NCKAP5: variants seen among roughly 807,000 people sequenced by gnomAD.
NCKAP5 encodes NCK associated protein 5.
Under a neutral mutation model 167.0 loss-of-function variants are expected in NCKAP5, and 92 were observed. The ratio of observed to expected loss-of-function variants is 0.55; its 90% CI spans 0.47 to 0.66. The LOEUF (loss-of-function observed/expected upper bound fraction) is 0.66, where lower values mean the gene tolerates loss of function less well. NCKAP5 is among the 30% of genes least tolerant of loss of function. NCKAP5 has a pLI of 0.00. For missense variants in NCKAP5, 2,378 were observed against 2,315.0 expected, an observed-to-expected ratio of 1.03 and a Z score of -0.56; for synonymous variants, 891 against 877.4, an observed-to-expected ratio of 1.02 and a Z score of -0.27.
At chr2:133,562,408 A>G (rs1182074322) in intron 1 of NCKAP5, among the ~76,000 whole-genome samples, 1 of 152,212 alleles carries the variant, frequency 6.6e-6, no homozygotes. Context: ...ACCAGTTAGC[A>G]CTGACAATGG....
At chr2:132,734,587 T>A (rs778965349) in intron 16 of NCKAP5, among the ~76,000 whole-genome samples, 1 of 152,200 alleles carries the variant, frequency 6.6e-6, no homozygotes, top group Non-Finnish European at 1.5e-5. Flanking sequence ...GGGCGCTTTT[T>A]CTTTTGAGAA....
chr2:132,958,998 C>T (rs754431538), intron 8 of NCKAP5, among the ~76,000 whole-genome samples: 1 of 148,872 alleles, frequency 6.7e-6, no homozygotes, highest in Non-Finnish European at 1.5e-5. Flanking sequence ...GCAAAGAACA[C>T]GTTTGGCCCA....
intron 4 of NCKAP5, among the ~76,000 whole-genome samples, chr2:133,229,093 A>G (rs2087023196): frequency 6.6e-6 from 1 of 152,198 alleles, no homozygotes; most frequent in African/African-American, 2.4e-5. Flanking sequence ...ATGTGTAACC[A>G]CCTAGGACAC....
At chr2:133,593,974 G>A in the NCKAP5 span, among the ~76,000 whole-genome samples, 10,754 of 152,254 alleles carry the variant, frequency 0.071, 450 homozygotes, top group Non-Finnish European at 0.1. Flanking sequence ...TGGAGACCAG[G>A]CCCAGGTGGA....
chr2:132,771,703 C>T (rs1050661703), intron 16 of NCKAP5, among the ~76,000 whole-genome samples: 4 of 150,678 alleles, frequency 2.7e-5, no homozygotes, highest in Non-Finnish European at 4.4e-5. Context: ...GACAGAGTCT[C>T]GCTCTGTCAC....
chr2:133,234,934 T>C (rs1019598613), intron 4 of NCKAP5, among the ~76,000 whole-genome samples: 2 of 146,346 alleles, frequency 1.4e-5, no homozygotes, highest in South Asian at 2.2e-4. Context: ...TGGTTGTTAA[T>C]TGGCCTTAAG....
chr2:133,345,002 G>A (rs1014994229), intron 3 of NCKAP5, among the ~76,000 whole-genome samples: 8 of 152,082 alleles, frequency 5.3e-5, no homozygotes, highest in Non-Finnish European at 8.8e-5. Context: ...CCCTCAGTGC[G>A]TCATTTGAGA....
chr2:132,752,316 G>C (rs183299858), intron 16 of NCKAP5, among the ~76,000 whole-genome samples: 24 of 152,350 alleles, frequency 1.6e-4, no homozygotes, highest in African/African-American at 5.8e-4. Flanking sequence ...TCCTCTGTGA[G>C]GAAGTTCACA....
At chr2:133,157,714 T>C (rs1165384355) in intron 5 of NCKAP5, among the ~76,000 whole-genome samples, 1 of 138,660 alleles carries the variant, frequency 7.2e-6, no homozygotes, top group East Asian at 2.0e-4. Flanking sequence ...TGAGAAACGC[T>C]GGGATAGTGT....
intron 3 of NCKAP5, among the ~76,000 whole-genome samples, chr2:133,363,525 G>A (rs563857146): frequency 6.6e-6 from 1 of 152,086 alleles, no homozygotes; most frequent in South Asian, 2.1e-4. Flanking sequence ...TTTCATCATC[G>A]ACATTAATCT....
chr2:132,774,822 G>T (rs1248796371), intron 15 of NCKAP5, among the ~76,000 whole-genome samples: 1 of 152,198 alleles, frequency 6.6e-6, no homozygotes, highest in African/African-American at 2.4e-5. Context: ...CTATGAAGCA[G>T]GTGCTATGGT....
intron 3 of NCKAP5, among the ~76,000 whole-genome samples, chr2:133,368,095 A>G (rs549445340): frequency 6.6e-6 from 1 of 152,280 alleles, no homozygotes; most frequent in South Asian, 2.1e-4. Flanking sequence ...AGAGAAAACA[A>G]ATTAGAGGTC....
chr2:132,770,438 T>C (rs1387785530), intron 16 of NCKAP5, among the ~76,000 whole-genome samples: 1 of 148,188 alleles, frequency 6.7e-6, no homozygotes, highest in Non-Finnish European at 1.5e-5. Flanking sequence ...ATATATAATA[T>C]ATGGTATATA....
intron 3 of NCKAP5, among the ~76,000 whole-genome samples, chr2:133,357,473 G>A (rs1001629338): frequency 7.2e-5 from 11 of 152,100 alleles, no homozygotes; most frequent in African/African-American, 2.7e-4. Flanking sequence ...AATAATTTCT[G>A]TAATACAAAA....
chr2:133,182,072 A>C (rs1022974507), intron 5 of NCKAP5, among the ~76,000 whole-genome samples: 1 of 152,224 alleles, frequency 6.6e-6, no homozygotes, highest in African/African-American at 2.4e-5. Context: ...AGTAATCATT[A>C]ATGTGCACCA....
At chr2:133,201,484 A>C (rs908651564) in intron 5 of NCKAP5, among the ~76,000 whole-genome samples, 1 of 152,242 alleles carries the variant, frequency 6.6e-6, no homozygotes, top group Middle Eastern at 3.2e-3. Flanking sequence ...AAACATTTAC[A>C]TAAAGTTCAA....
intron 11 of NCKAP5, among the ~76,000 whole-genome samples, chr2:132,805,841 T>C (rs1399171582): frequency 6.6e-6 from 1 of 152,108 alleles, no homozygotes; most frequent in Non-Finnish European, 1.5e-5. Context: ...GTACATTCTT[T>C]AGTGGTGATT....
chr2:133,327,017 G>T (rs762924257), intron 3 of NCKAP5, among the ~76,000 whole-genome samples: 1 of 152,156 alleles, frequency 6.6e-6, no homozygotes, highest in Non-Finnish European at 1.5e-5. Flanking sequence ...TTTCCTAACC[G>T]TACTGATCAT....
At chr2:132,984,831 CTGATAT>C (rs893871758) in intron 7 of NCKAP5, among the ~76,000 whole-genome samples, 10 of 151,234 alleles carry the variant, frequency 6.6e-5, no homozygotes, top group Non-Finnish European at 1.5e-4. Flanking sequence ...AGTTCAAGGA[CTGATAT>C]CATCGTGATT....
Sources: gnomAD v4.1 joint callset for allele counts (sites outside exome capture counted in the v4.1 genomes callset) on GRCh38, gnomAD v4.1.1 for gene constraint, MANE v1.5 for transcripts, NCBI Gene and HGNC (gene_info 2026-07-23, HGNC 2026-07-21) for gene names.